CDC27: variants seen among roughly 807,000 people sequenced by gnomAD.
The protein encoded by CDC27 is cell division cycle 27, also known as cell division cycle protein 27 homolog.
A neutral mutation model predicts 109.7 loss-of-function variants in CDC27; 27 were observed. The observed-to-expected ratio is 0.25, with a 90% CI of 0.18 to 0.34. CDC27 has a LOEUF of 0.34. Among genes scored for constraint, CDC27 ranks in the 10% least tolerant of loss-of-function variants. The probability of loss-of-function intolerance (pLI) is 1.00; values close to 1 mark genes in which losing one functional copy is unlikely to be tolerated. For synonymous variants in CDC27, 266 were observed against 333.9 expected, an observed-to-expected ratio of 0.80 and a Z score of 2.22; for missense variants, 579 against 960.2, an observed-to-expected ratio of 0.60 and a Z score of 5.25.
chr17:47,176,546 A>G (rs2064016155), intron 2 of CDC27, among the ~76,000 whole-genome samples: 1 of 152,190 alleles, frequency 6.6e-6, no homozygotes, highest in Admixed American at 6.5e-5. Flanking sequence ...TTAGTGTTTG[A>G]GGCAGAAAAT....
rs775287976 is a variant in CDC27 at position 47,121,032 on chromosome 17, C to T, written c.2393-15G>A. On this transcript the variant is annotated splice_polypyrimidine_tract_variant and intron_variant, in intron 18 of 18. Coordinates refer to ENST00000066544, the MANE Select transcript of CDC27 (RefSeq NM_001256.6). ...ATCTGTTCCCACTTTAAAAATAAAA[C>T]AGAAGTCCACAGTAAGTTTTCTGAC... is the stretch of plus-strand genomic sequence containing the variant. 4 of 1,557,792 alleles carry T rather than the reference C, an allele frequency of 2.6e-6. No homozygotes were observed. The highest frequency in any genetic ancestry group is 1.1e-5 in the South Asian group (1 of 88,636).
At chr17:47,164,225 T>C (rs1252061548) in intron 4 of CDC27, among the ~76,000 whole-genome samples, 1 of 152,212 alleles carries the variant, frequency 6.6e-6, no homozygotes, top group Non-Finnish European at 1.5e-5. Context: ...CCTAGGTGTG[T>C]AGTAGGCTAC....
chr17:47,163,475 A>G (rs922589611), intron 4 of CDC27, among the ~76,000 whole-genome samples: 4 of 152,180 alleles, frequency 2.6e-5, no homozygotes, highest in African/African-American at 9.7e-5. Flanking sequence ...CTGAGGTGCC[A>G]GGACTGCTTG....
At chr17:47,132,774 A>ATTG (rs2062390090) in intron 14 of CDC27, among the ~76,000 whole-genome samples, 1 of 127,944 alleles carries the variant, frequency 7.8e-6, no homozygotes, top group Admixed American at 8.6e-5. Context: ...TATTATTATT[A>ATTG]TTATTATATT....
chr17:47,136,388 A>G (rs76328350), intron 14 of CDC27, among the ~76,000 whole-genome samples: 2 of 152,234 alleles, frequency 1.3e-5, no homozygotes, highest in African/African-American at 4.8e-5. Flanking sequence ...AGAAGCAAAT[A>G]GAATGATACA....
Position 47,142,411 on chromosome 17 carries a change from T to C in CDC27, c.1196A>G (p.Lys399Arg), listed in dbSNP as rs781261216. The change falls in exon 11 of 19, where the codon AAG becomes AGG. Residue 399 changes from lysine to arginine, a missense_variant. Around this residue, in one of 9 missense-constraint regions of CDC27, gnomAD observed 58 missense variants for 116.6 expected, o/e 0.50. Coordinates refer to ENST00000066544, the MANE Select transcript of CDC27 (RefSeq NM_001256.6). ...TKENSKKLKM[K>R]FPPKIPNRKT... ...TCTGTTTGGGATTTTAGGTGGAAACTTCATTTTTAATTTTTTGCTATTCTC... is the reference window on the plus strand; with the variant it reads ...TCTGTTTGGGATTTTAGGTGGAAACCTCATTTTTAATTTTTTGCTATTCTC... The C allele has an allele frequency of 8.1e-6, 12 of 1,476,424 alleles. No homozygotes were observed. The highest frequency in any genetic ancestry group is 1.1e-5 in the Non-Finnish European group (12 of 1,076,542). The allele number at this position is 1,476,424 out of a possible 1,614,324, so 91.5% of individuals were successfully genotyped here.
chr17:47,130,520 A>C (rs1315928457), intron 15 of CDC27, among the ~76,000 whole-genome samples: 1 of 152,194 alleles, frequency 6.6e-6, no homozygotes, highest in Non-Finnish European at 1.5e-5. Flanking sequence ...AAACCTCACT[A>C]TTCATTCATA....
chr17:47,123,797 A>G, intron 17 of CDC27, 89 bp downstream of exon 17: 3 of 855,984 alleles, frequency 3.5e-6, no homozygotes, highest in Non-Finnish European at 3.5e-6. Context: ...TGCTCAATAG[A>G]TATGTACAGG....
At chr17:47,132,988 CATATATATATATATATATATATAT>C (rs1158266100) in intron 14 of CDC27, among the ~76,000 whole-genome samples, 3 of 40,896 alleles carry the variant, frequency 7.3e-5, no homozygotes, top group East Asian at 9.5e-4. Context: ...TGCCCAGGCG[CATATATATATATATATATATATAT>C]ATATATATAT....
Position 47,181,568 on chromosome 17 carries a change from C to A in CDC27, c.97G>T (p.Ala33Ser), listed in dbSNP as rs868180572. The change falls in exon 2 of 19, where the codon GCA becomes TCA. Residue 33 changes from alanine to serine, a missense_variant. Transcript: ENST00000066544. ...DAVFLAERLY[A>S]EVHSEEALFL... ...CAATGAATAGATTTCAAACCTTCTGCATAAAGGCGTTCTGCGAGGAAAACC... is the reference window on the plus strand; with the variant it reads ...CAATGAATAGATTTCAAACCTTCTGAATAAAGGCGTTCTGCGAGGAAAACC... 6.3e-7 allele frequency: 1 copy of A among 1,588,596 alleles called. No individual in the cohort carries two copies. Among genetic ancestry groups the A allele is most frequent in the Middle Eastern group, 1.7e-4 (1 of 5,722 alleles).
chr17:47,165,863 A>AAT (rs1301448491), intron 4 of CDC27, among the ~76,000 whole-genome samples: 1 of 152,196 alleles, frequency 6.6e-6, no homozygotes, highest in African/African-American at 2.4e-5. Context: ...TTCTCTGCCT[A>AAT]TGGATATCCA....
chr17:47,130,542 A>G (rs2148817340), intron 15 of CDC27, among the ~76,000 whole-genome samples: 1 of 152,266 alleles, frequency 6.6e-6, no homozygotes, highest in East Asian at 1.9e-4. Context: ...GTGTATACTA[A>G]TATTCTGCTA....
At chr17:47,125,307 C>T (rs1483960169) in intron 16 of CDC27, among the ~76,000 whole-genome samples, 6 of 112,328 alleles carry the variant, frequency 5.3e-5, no homozygotes, top group Non-Finnish European at 8.2e-5. Flanking sequence ...AGTGTGGTGT[C>T]GTGATCTTGG....
intron 16 of CDC27, among the ~76,000 whole-genome samples, chr17:47,124,284 T>G (rs904598632): frequency 6.6e-6 from 1 of 151,764 alleles, no homozygotes; most frequent in Non-Finnish European, 1.5e-5. Flanking sequence ...TCTATCTATC[T>G]ATTCATTTTT....
rs1247690518 is a variant in CDC27, at chr17:47,118,812, T to C, written c.*2123A>G. The stretch of plus-strand genomic sequence containing the variant: ...AAGGCTTCAAATACCTAAATGACTT[T>C]GAAAGTAGGTATGAGGAAAAATAAA... On this transcript the variant is annotated 3_prime_UTR_variant, in exon 19 of 19. Transcript: ENST00000066544. The C allele has an allele frequency of 6.6e-6, 1 of 152,308 alleles. No individual in the cohort carries two copies. The highest frequency in any genetic ancestry group is 1.5e-5 in the Non-Finnish European group (1 of 68,036). The allele number at this position is 152,308 out of a possible 1,614,324, so 9.4% of individuals were successfully genotyped here. A position where few individuals can be genotyped will look rare whatever the true frequency, so the allele number is the denominator to read the frequency against.
At chr17:47,176,529 A>C (rs1007232026) in intron 2 of CDC27, among the ~76,000 whole-genome samples, 2 of 152,216 alleles carry the variant, frequency 1.3e-5, no homozygotes, top group Admixed American at 6.5e-5. Flanking sequence ...AAGTTTTAAA[A>C]GGCTCCTTAG....
intron 9 of CDC27, among the ~76,000 whole-genome samples, chr17:47,149,916 T>C (rs1329969790): frequency 1.3e-5 from 2 of 151,976 alleles, no homozygotes; most frequent in African/African-American, 4.8e-5. Flanking sequence ...GATTGCACCA[T>C]TGCACTACAG....
chr17:47,173,121 A>G (rs1455381839), intron 2 of CDC27, among the ~76,000 whole-genome samples: 1 of 152,240 alleles, frequency 6.6e-6, no homozygotes, highest in African/African-American at 2.4e-5. Context: ...GTAAAGTACA[A>G]GACAAACTTG....
At position 47,137,446 on chromosome 17, in the gene CDC27, T is replaced by G. The variant is rs527236360; in HGVS notation, c.1705-86A>C. 7.7e-5 allele frequency: 55 copies of G among 712,452 alleles called. No homozygotes were observed. The East Asian group carries it at 1.4e-3, about 18-fold the overall frequency. The allele number at this position is 712,452 out of a possible 1,614,324, so 44.1% of individuals were successfully genotyped here. A position where few individuals can be genotyped will look rare whatever the true frequency, so the allele number is the denominator to read the frequency against. ...TCTATGACTAAAATCAAGCCTCAAC[T>G]TAGAACAGAAAGACAAAAATGGAGG... On this transcript the variant is annotated intron_variant, in intron 13 of 18. Transcript: ENST00000066544.
Sources: allele counts gnomAD v4.1 joint callset (sites outside exome capture counted in the v4.1 genomes callset), GRCh38; gene constraint gnomAD v4.1.1; regional missense constraint gnomAD v4.1.1; transcripts MANE v1.5; gene names NCBI Gene and HGNC (gene_info 2026-07-23, HGNC 2026-07-21).